PRH1: variants seen among roughly 807,000 people sequenced by gnomAD.
PRH1 encodes proline rich protein HaeIII subfamily 1.
A neutral mutation model predicts 7.9 loss-of-function variants in PRH1; 7 were observed. The ratio of observed to expected loss-of-function variants is 0.89; its 90% CI spans 0.50 to 1.67. The LOEUF is 1.67. Among genes scored for constraint, PRH1 ranks in the 40% most tolerant of loss-of-function variants. PRH1 has a pLI of 0.00. For synonymous variants in PRH1, 45 were observed against 80.8 expected, an observed-to-expected ratio of 0.56 and a Z score of 2.38; for missense variants, 109 against 223.6, an observed-to-expected ratio of 0.49 and a Z score of 3.27.
At chr12:11,022,187 C>T (rs73047160) in intron 1 of PRH1, 1 of 1,540,940 alleles carries the variant, frequency 6.5e-7, no homozygotes, top group Non-Finnish European at 8.8e-7. Flanking sequence ...ATCACCAGAA[C>T]AACACTCTTA....
At chr12:10,987,663 AT>A (rs1312046584) in intron 1 of PRH1, among the ~76,000 whole-genome samples, 2 of 151,772 alleles carry the variant, frequency 1.3e-5, no homozygotes, top group African/African-American at 2.4e-5. Flanking sequence ...AATTAGTCCT[AT>A]TTTCCCAGTG....
chr12:10,911,727 T>C (rs2135829850), intron 2 of PRH1, among the ~76,000 whole-genome samples: 1 of 152,314 alleles, frequency 6.6e-6, no homozygotes, highest in South Asian at 2.1e-4. Flanking sequence ...TTCTTTTCTC[T>C]TTTTCATTTT....
intron 1 of PRH1, among the ~76,000 whole-genome samples, chr12:11,026,739 T>C (rs1408425929): frequency 6.6e-6 from 1 of 152,150 alleles, no homozygotes; most frequent in Non-Finnish European, 1.5e-5. Flanking sequence ...AAATCAACAC[T>C]CACAAATGCT....
intron 2 of PRH1, among the ~76,000 whole-genome samples, chr12:10,916,183 G>A (rs1317805495): frequency 2.6e-5 from 4 of 152,084 alleles, no homozygotes; most frequent in Non-Finnish European, 1.5e-5. Flanking sequence ...CAGATCTCAT[G>A]AGAATTACTT....
At chr12:11,156,119 T>C (rs1016159215) in intron 1 of PRH1, among the ~76,000 whole-genome samples, 1 of 152,212 alleles carries the variant, frequency 6.6e-6, no homozygotes, top group Non-Finnish European at 1.5e-5. Context: ...TTTTTCTATC[T>C]GAAAATGTAT....
chr12:10,951,753 T>A (rs1487749728), intron 2 of PRH1, among the ~76,000 whole-genome samples: 1 of 152,194 alleles, frequency 6.6e-6, no homozygotes, highest in Non-Finnish European at 1.5e-5. Context: ...AAAAAATGTG[T>A]TTTCGATTGA....
At chr12:10,914,751 G>C (rs1219944934) in intron 2 of PRH1, among the ~76,000 whole-genome samples, 1 of 152,310 alleles carries the variant, frequency 6.6e-6, no homozygotes. Context: ...AGAAAGAAGA[G>C]TCTAGAAACT....
chr12:11,046,525 C>A (rs73260724), intron 1 of PRH1, among the ~76,000 whole-genome samples: 1 of 152,048 alleles, frequency 6.6e-6, no homozygotes, highest in Non-Finnish European at 1.5e-5. Flanking sequence ...TTTCTTCTGA[C>A]GTTTTAGTCC....
intron 2 of PRH1, among the ~76,000 whole-genome samples, chr12:10,904,280 C>T (rs1289047545): frequency 1.3e-5 from 2 of 152,014 alleles, no homozygotes; most frequent in African/African-American, 4.8e-5. Context: ...TCAAACTATA[C>T]TATAAAGCTA....
At chr12:10,948,596 G>T (rs1025766794) in intron 2 of PRH1, among the ~76,000 whole-genome samples, 7 of 152,030 alleles carry the variant, frequency 4.6e-5, no homozygotes, top group Non-Finnish European at 8.8e-5. Flanking sequence ...AATAATCTTT[G>T]TTTCTGCCAT....
chr12:11,064,283 C>G (rs553996603), intron 1 of PRH1, among the ~76,000 whole-genome samples: 1 of 152,196 alleles, frequency 6.6e-6, no homozygotes, highest in Non-Finnish European at 1.5e-5. Flanking sequence ...ACATGTTCTT[C>G]TTGTTTGTGG....
At chr12:11,009,694 T>G (rs1245935156) in intron 1 of PRH1, among the ~76,000 whole-genome samples, 1 of 151,940 alleles carries the variant, frequency 6.6e-6, no homozygotes, top group Non-Finnish European at 1.5e-5. Context: ...AAACCGGATA[T>G]TAATTTGATG....
chr12:10,932,628 GT>G (rs1950230371), intron 2 of PRH1, among the ~76,000 whole-genome samples: 2 of 152,132 alleles, frequency 1.3e-5, no homozygotes. Context: ...ACTTTAACAA[GT>G]TTGAGAGTAA....
intron 1 of PRH1, among the ~76,000 whole-genome samples, chr12:11,055,269 A>G (rs796136906): frequency 6.6e-6 from 1 of 151,564 alleles, no homozygotes; most frequent in African/African-American, 2.4e-5. Flanking sequence ...TCAAATAAGT[A>G]TATAAGTGTA....
chr12:10,938,423 A>G, intron 2 of PRH1: 1 of 1,614,092 alleles, frequency 6.2e-7, no homozygotes. Flanking sequence ...GGAAAGAATA[A>G]TTAGATTTTC....
chr12:11,040,519 AAC>A (rs1942664679), intron 1 of PRH1, among the ~76,000 whole-genome samples: 1 of 152,188 alleles, frequency 6.6e-6, no homozygotes, highest in African/African-American at 2.4e-5. Context: ...GAACAGTGAG[AAC>A]ACACAGACAC....
Position 11,094,927 on chromosome 12 carries a change from A to G in PRH1, n.124-47739T>C, listed in dbSNP as rs1311617708. On this transcript the variant is annotated intron_variant and non_coding_transcript_variant, in intron 1 of 4. Coordinates refer to the PRH1 transcript ENST00000541977. ...ATCTCCTGATATAAGCAATATCCAT[A>G]ATTTATAATGGTTATTTCCTCAATT... is the stretch of plus-strand genomic sequence containing the variant. Among the ~76,000 whole-genome samples, 2 of 90,546 alleles carry G rather than the reference A, an allele frequency of 2.2e-5. 1 individual carries two copies. Among genetic ancestry groups the G allele is most frequent in the Non-Finnish European group, 5.1e-5 (2 of 39,330 alleles). The allele number at this position is 90,546 out of a possible 152,430, so 59.4% of individuals were successfully genotyped here.
intron 2 of PRH1, among the ~76,000 whole-genome samples, chr12:10,962,781 G>GTTTTTTTTTTTTTTTTTTTTTT: frequency 6.6e-6 from 1 of 152,186 alleles, no homozygotes; most frequent in African/African-American, 2.4e-5. Context: ...TGTTGTTGTT[G>GTTTTTTTTTTTTTTTTTTTTTT]TTTTTTGAGA....
intron 1 of PRH1, chr12:11,133,767 C>T (rs770169269): frequency 6.2e-7 from 1 of 1,614,048 alleles, no homozygotes; most frequent in African/African-American, 1.3e-5. Context: ...GTCACGTTTC[C>T]TTCATATTCT....
Sources: allele counts gnomAD v4.1 joint callset (sites outside exome capture counted in the v4.1 genomes callset), GRCh38; gene constraint gnomAD v4.1.1; transcripts MANE v1.5; gene names NCBI Gene and HGNC (gene_info 2026-07-23, HGNC 2026-07-21).